Variants in MMS19 observed in about 807,000 individuals in gnomAD.
MMS19 encodes the protein MMS19 nucleotide excision repair protein homolog.
In MMS19, 77 loss-of-function variants were observed where a neutral mutation model predicts 129.8. The ratio of observed to expected loss-of-function variants is 0.59; its 90% CI spans 0.49 to 0.72. MMS19 has a LOEUF of 0.72. Among genes scored for constraint, MMS19 ranks in the 30% least tolerant of loss-of-function variants. MMS19 has a pLI of 0.00. For missense variants in MMS19, 1,168 were observed against 1,266.3 expected (o/e 0.92, Z 1.18); for synonymous variants, 491 against 502.8 (o/e 0.98, Z 0.31).
At chr10:97,468,160 T>G (rs753431662) in intron 13 of MMS19, 92 bp downstream of exon 13, 251 of 1,332,350 alleles carry the variant, frequency 1.9e-4, no homozygotes, top group Admixed American at 2.8e-4. Context: ...AGGTCTACTA[T>G]GTTGGCCCAA....
upstream of MMS19, chr10:97,498,739 C>T: frequency 3.3e-6 from 1 of 307,590 alleles, no homozygotes; most frequent in Non-Finnish European, 6.1e-6. Flanking sequence ...CCCTAGGGGG[C>T]GGTGCTGTCG....
intron 8 of MMS19, among the ~76,000 whole-genome samples, chr10:97,472,653 A>ATTCT (rs2034968583): frequency 6.6e-6 from 1 of 151,896 alleles, no homozygotes; most frequent in African/African-American, 2.4e-5. Context: ...TCTGTCTTCC[A>ATTCT]GGCTGGAGTG....
Position 97,466,482 on chromosome 10 carries a change from T to C in MMS19, c.1505+22A>G, listed in dbSNP as rs2033519934. The C allele has an allele frequency of 3.2e-6, 5 of 1,581,316 alleles. No individual in the cohort carries two copies. In the East Asian group the frequency reaches 6.7e-5, roughly 21 times the overall value. ...CAGAGGCAGGGAACAGCTTGCTCTA[T>C]CTCATTGCTTTAAATTCTCACCAAC... On this transcript the variant is annotated intron_variant, in intron 16 of 30. Coordinates refer to ENST00000438925, the MANE Select transcript of MMS19 (RefSeq NM_022362.5).
In MMS19 at chr10:97,484,252, T is replaced by C. The variant is rs2037407568; in HGVS notation, c.113-101A>G. ...TGTTTCCTGCCTGCCCTAGGCTTTGTACCTGGGGGCCCACTATATTTGCCA... is the reference window on the plus strand; with the variant it reads ...TGTTTCCTGCCTGCCCTAGGCTTTGCACCTGGGGGCCCACTATATTTGCCA... On this transcript the variant is annotated intron_variant, in intron 1 of 30. Transcript: ENST00000438925. 1.3e-5 allele frequency: 10 copies of C among 755,718 alleles called. No individual in the cohort carries two copies. In the South Asian group the frequency reaches 2.2e-4, roughly 16 times the overall value. The allele number at this position is 755,718 out of a possible 1,614,324, so 46.8% of individuals were successfully genotyped here. A position where few individuals can be genotyped will look rare whatever the true frequency, so the allele number is the denominator to read the frequency against.
chr10:97,466,857 C>G lies in MMS19; in HGVS notation c.1342G>C (p.Val448Leu). The G allele has an allele frequency of 3.7e-6, 6 of 1,613,978 alleles. No homozygotes were observed. The highest frequency in any genetic ancestry group is 5.1e-6 in the Non-Finnish European group (6 of 1,179,876). ...CTGGGGTCTGTTAGAGCCATGAATA[C>G]CAGTGAGCACAGCTGGTCCTTGAAG... ...NGFKDQLCSL[V>L]FMALTDPSTQ... The change falls in exon 15 of 31, where the codon GTA becomes CTA. Residue 448 changes from valine to leucine, a missense_variant. Physicochemically the swap from Val to Leu is conservative, Grantham distance 32. This residue lies in a region of MMS19 where 831 missense variants were observed against 910.8 expected (regional missense o/e 0.91). Transcript: ENST00000438925.
intron 2 of MMS19, among the ~76,000 whole-genome samples, chr10:97,483,201 T>A (rs12098633): frequency 0.016 from 2,444 of 152,154 alleles, 66 homozygotes; most frequent in African/African-American, 0.054. Context: ...CACAGGCGCA[T>A]GCCACCACGC....
intron 8 of MMS19, 76 bp from the exon 9 acceptor site, chr10:97,470,937 C>T: frequency 8.1e-7 from 1 of 1,229,172 alleles, no homozygotes; most frequent in Non-Finnish European, 1.2e-6. Flanking sequence ...CCTGGTAACC[C>T]TGCAGAACAG....
Position 97,460,095 on chromosome 10 carries a change from G to T in MMS19, c.2607C>A (p.Phe869Leu). The change falls in exon 26 of 31, where the codon TTC (phenylalanine) becomes TTA (leucine). Residue 869 changes from phenylalanine (F) to leucine (L), a missense_variant. Transcript: ENST00000438925. ...EVRIMFRQRF[F>L]TDNVPALVQG... ...GGACCAAAGCAGGCACATTATCTGT[G>T]AAGAACCGCTGGCGGAACATGATCC... The T allele has an allele frequency of 6.2e-7, 1 of 1,614,038 alleles. No homozygotes were observed. Among genetic ancestry groups the T allele is most frequent in the Non-Finnish European group, 8.5e-7 (1 of 1,179,904 alleles).
chr10:97,486,479 C>T (rs945687584), intron 1 of MMS19, among the ~76,000 whole-genome samples: 2 of 152,174 alleles, frequency 1.3e-5, no homozygotes, highest in African/African-American at 4.8e-5. Context: ...CTGTGCCAGG[C>T]CAAAATCCTG....
Position 97,477,885 on chromosome 10 carries a change from A to C in MMS19, c.393T>G (p.Leu131=), listed in dbSNP as rs1349345731. The C allele has an allele frequency of 6.2e-7, 1 of 1,609,834 alleles. No individual in the cohort carries two copies. The highest frequency in any genetic ancestry group is 1.1e-5 in the South Asian group (1 of 90,082). The part of the protein sequence containing the change: ...ALPPGLAVSV[L]KAIFQEVHVQ... Reference sequence around the variant, plus strand: ...CATGCACTTCCTGGAAGATGGCTTTAAGCACAGAAACAGCCAGCCCTGGGG... The same window carrying C: ...CATGCACTTCCTGGAAGATGGCTTTCAGCACAGAAACAGCCAGCCCTGGGG... Residue 131 remains leucine, a synonymous_variant, in exon 5 of 31, where the codon CTT becomes CTG. Coordinates refer to ENST00000438925, the MANE Select transcript of MMS19 (RefSeq NM_022362.5).
chr10:97,468,584 C>T (rs2135301501), intron 12 of MMS19, among the ~76,000 whole-genome samples, 178 bp from the exon 13 acceptor site: 1 of 152,134 alleles, frequency 6.6e-6, no homozygotes, highest in African/African-American at 2.4e-5. Context: ...TGGGACTAAA[C>T]AATAAAGGTC....
At chr10:97,462,346 C>T (rs1204609183) in intron 20 of MMS19, among the ~76,000 whole-genome samples, 1 of 152,224 alleles carries the variant, frequency 6.6e-6, no homozygotes, top group Non-Finnish European at 1.5e-5. Context: ...AAATGCTCTA[C>T]AGGTAATTCT....
chr10:97,491,337 CA>C (rs1269959626), intron 1 of MMS19, among the ~76,000 whole-genome samples: 1 of 152,208 alleles, frequency 6.6e-6, no homozygotes, highest in Non-Finnish European at 1.5e-5. Flanking sequence ...AAATAGGGCC[CA>C]TTCAGTACCT....
chr10:97,476,604 C>A, intron 8 of MMS19, 79 bp downstream of exon 8: 5 of 1,353,764 alleles, frequency 3.7e-6, no homozygotes, highest in Non-Finnish European at 5.2e-6. Context: ...GTGACCTGTA[C>A]CCTCAGTGCC....
intron 29 of MMS19, 70 bp from the exon 30 acceptor site, chr10:97,458,970 G>A (rs2030749179): frequency 2.8e-6 from 4 of 1,453,486 alleles, no homozygotes; most frequent in Non-Finnish European, 3.8e-6. Flanking sequence ...TTTTGATTCT[G>A]TACAACTAAT....
chr10:97,493,538 G>A (rs1371856620), intron 1 of MMS19, among the ~76,000 whole-genome samples: 1 of 152,192 alleles, frequency 6.6e-6, no homozygotes, highest in Admixed American at 6.5e-5. Flanking sequence ...TGGGGCAACA[G>A]AGTGGACCCT....
intron 20 of MMS19, 78 bp from the exon 21 acceptor site, chr10:97,462,197 C>T (rs2032170579): frequency 1.9e-6 from 2 of 1,033,628 alleles, no homozygotes; most frequent in Non-Finnish European, 2.9e-6. Flanking sequence ...TGCTTTTCAA[C>T]CTAGGGTTTG....
In MMS19 at chr10:97,459,736, T is replaced by C; in HGVS notation, c.2662A>G (p.Lys888Glu). ...QGFHAAPQDV[K>E]PNYLKGLSHV... The stretch of plus-strand genomic sequence containing the variant: ...GAAAGACCCTTCAAGTAGTTTGGCT[T>C]CACATCTGTAAAAAATGGAAAGGCT... The change falls in exon 27 of 31, where the codon AAG becomes GAG. Residue 888 changes from lysine (K) to glutamate (E), a missense_variant. This residue lies in a region of MMS19 where 831 missense variants were observed against 910.8 expected (regional missense o/e 0.91). Transcript: ENST00000438925. 1 of 1,609,676 alleles carries C rather than the reference T, an allele frequency of 6.2e-7. No homozygotes were observed. The highest frequency in any genetic ancestry group is 8.5e-7 in the Non-Finnish European group (1 of 1,177,762).
At chr10:97,492,676 C>T (rs1216913380) in intron 1 of MMS19, among the ~76,000 whole-genome samples, 5 of 150,280 alleles carry the variant, frequency 3.3e-5, no homozygotes, top group Non-Finnish European at 7.4e-5. Flanking sequence ...TGATGAAACC[C>T]TGTTTCTACT....
Sources: allele counts gnomAD v4.1 joint callset (sites outside exome capture counted in the v4.1 genomes callset), GRCh38; gene constraint gnomAD v4.1.1; regional missense constraint gnomAD v4.1.1; transcripts MANE v1.5; gene names NCBI Gene and HGNC (gene_info 2026-07-23, HGNC 2026-07-21).